Variants in BCL2 observed in about 807,000 individuals in gnomAD.
The protein encoded by BCL2 is apoptosis regulator Bcl-2.
Under a neutral mutation model 14.2 loss-of-function variants are expected in BCL2, and 1 was observed. The observed-to-expected ratio is 0.07, with a 90% CI of 0.02 to 0.33. The LOEUF (loss-of-function observed/expected upper bound fraction) is 0.33, where lower values mean the gene tolerates loss of function less well. Among genes scored for constraint, BCL2 ranks in the 10% least tolerant of loss-of-function variants. The pLI is 0.99. For missense variants in BCL2, 247 were observed against 305.9 expected, an observed-to-expected ratio of 0.81 and a Z score of 1.44; for synonymous variants, 151 against 137.2, an observed-to-expected ratio of 1.10 and a Z score of -0.70.
At chr18:63,218,923 C>T (rs1355937420) in intron 2 of BCL2, among the ~76,000 whole-genome samples, 1 of 152,130 alleles carries the variant, frequency 6.6e-6, no homozygotes, top group Non-Finnish European at 1.5e-5. Flanking sequence ...CCTTTTTCTT[C>T]TCCTGCCTTT....
intron 2 of BCL2, among the ~76,000 whole-genome samples, chr18:63,266,142 C>T (rs541686923): frequency 6.6e-6 from 1 of 151,982 alleles, no homozygotes; most frequent in South Asian, 2.1e-4. Flanking sequence ...ACTGATTGTA[C>T]TAGAAAATGT....
intron 2 of BCL2, among the ~76,000 whole-genome samples, chr18:63,309,991 T>G (rs1913258919): frequency 6.6e-6 from 1 of 151,768 alleles, no homozygotes; most frequent in Non-Finnish European, 1.5e-5. Context: ...GCCTCCCGAG[T>G]AGCTGGGATT....
chr18:63,134,858 C>A (rs941492751), intron 2 of BCL2, among the ~76,000 whole-genome samples: 2 of 152,118 alleles, frequency 1.3e-5, no homozygotes, highest in African/African-American at 4.8e-5. Flanking sequence ...TATCGAATGA[C>A]TTTGATATTT....
intron 2 of BCL2, among the ~76,000 whole-genome samples, chr18:63,308,501 TA>T (rs1913209549): frequency 6.6e-6 from 1 of 152,206 alleles, no homozygotes; most frequent in Admixed American, 6.5e-5. Flanking sequence ...TAGGCATATG[TA>T]CATACACTGT....
intron 2 of BCL2, among the ~76,000 whole-genome samples, chr18:63,220,430 T>G (rs890603337): frequency 4.6e-5 from 7 of 152,166 alleles, no homozygotes; most frequent in Non-Finnish European, 1.5e-5. Flanking sequence ...AGTTTCTCCA[T>G]ACAACATCGG....
At chr18:63,163,929 G>A (rs1914981992) in intron 2 of BCL2, among the ~76,000 whole-genome samples, 1 of 152,160 alleles carries the variant, frequency 6.6e-6, no homozygotes. Flanking sequence ...CTGTTAATAG[G>A]TGTGTGCTTT....
At chr18:63,246,300 G>T (rs78379829) in intron 2 of BCL2, among the ~76,000 whole-genome samples, 9 of 152,108 alleles carry the variant, frequency 5.9e-5, no homozygotes, top group Non-Finnish European at 1.0e-4. Flanking sequence ...CATCTCACAG[G>T]CCTCAAGCCA....
chr18:63,144,173 T>A (rs190024334), intron 2 of BCL2, among the ~76,000 whole-genome samples: 1 of 152,232 alleles, frequency 6.6e-6, no homozygotes, highest in East Asian at 1.9e-4. Context: ...TAGCTCGTTT[T>A]AGCTCTTTCT....
At chr18:63,241,811 G>A (rs1371658942) in intron 2 of BCL2, among the ~76,000 whole-genome samples, 1 of 152,148 alleles carries the variant, frequency 6.6e-6, no homozygotes, top group African/African-American at 2.4e-5. Context: ...TGATTTGAGA[G>A]TGCCTCACCC....
At chr18:63,187,966 C>A (rs1160940368) in intron 2 of BCL2, among the ~76,000 whole-genome samples, 3 of 152,182 alleles carry the variant, frequency 2.0e-5, no homozygotes, top group African/African-American at 4.8e-5. Context: ...CTCCATTTGG[C>A]CCCTGCTCAT....
Position 63,123,736 on chromosome 18 carries a change from C to T in BCL2, c.*4889G>A, listed in dbSNP as rs1172255857. ...CTTAAGAAGGTATAATAAACAAAACCACCAAAAGAAAGCTTCCCCAAAAGA... is the reference window on the plus strand; with the variant it reads ...CTTAAGAAGGTATAATAAACAAAACTACCAAAAGAAAGCTTCCCCAAAAGA... On this transcript the variant is annotated 3_prime_UTR_variant, in exon 3 of 3. Coordinates refer to ENST00000333681, the MANE Select transcript of BCL2 (RefSeq NM_000633.3). The T allele has an allele frequency of 9.3e-6, 2 of 216,000 alleles. No homozygotes were observed. Among genetic ancestry groups the T allele is most frequent in the Non-Finnish European group, 1.9e-5 (2 of 107,344 alleles). The allele number at this position is 216,000 out of a possible 1,614,324, so 13.4% of individuals were successfully genotyped here.
chr18:63,198,814 CACAG>C (rs1408490315), intron 2 of BCL2, among the ~76,000 whole-genome samples: 6 of 8,658 alleles, frequency 6.9e-4, no homozygotes, highest in Admixed American at 1.5e-3. Flanking sequence ...CACAGAGACA[CACAG>C]ACACACAGAC....
intron 2 of BCL2, among the ~76,000 whole-genome samples, chr18:63,278,390 C>A (rs1912219362): frequency 6.6e-6 from 1 of 152,176 alleles, no homozygotes. Flanking sequence ...TCCACTAGAC[C>A]CTGACCTTGG....
intron 2 of BCL2, among the ~76,000 whole-genome samples, chr18:63,214,861 C>G (rs1456106632): frequency 1.3e-5 from 2 of 152,086 alleles, no homozygotes; most frequent in Non-Finnish European, 2.9e-5. Flanking sequence ...CAGGCATGTG[C>G]CACCATGCCC....
intron 2 of BCL2, among the ~76,000 whole-genome samples, chr18:63,133,319 A>ATTTTTTTTTTTTTTTTTTTTTTTTTTT (rs34022610): frequency 9.7e-6 from 1 of 103,372 alleles, no homozygotes; most frequent in African/African-American, 3.6e-5. Flanking sequence ...ACCTTCAAGA[A>ATTTTTTTTTTTTTTTTTTTTTTTTTTT]TTTTTTTTTT....
intron 2 of BCL2, among the ~76,000 whole-genome samples, chr18:63,190,945 A>C (rs1237819582): frequency 6.6e-6 from 1 of 152,208 alleles, no homozygotes. Context: ...AAGTGAGAAC[A>C]TGCAGTGTTT....
chr18:63,271,628 C>A, intron 2 of BCL2, among the ~76,000 whole-genome samples: 1 of 152,154 alleles, frequency 6.6e-6, no homozygotes, highest in East Asian at 1.9e-4. Context: ...AATCCCCATC[C>A]CACTTTCTGT....
chr18:63,129,378 C>A (rs1379504218), intron 2 of BCL2, among the ~76,000 whole-genome samples: 1 of 151,472 alleles, frequency 6.6e-6, no homozygotes, highest in Non-Finnish European at 1.5e-5. Flanking sequence ...CAGCCTCGAA[C>A]TGTTGGACTC....
chr18:63,142,743 C>T (rs928872049), intron 2 of BCL2, among the ~76,000 whole-genome samples: 8 of 152,170 alleles, frequency 5.3e-5, no homozygotes, highest in Non-Finnish European at 8.8e-5. Flanking sequence ...GGGGAGCTGA[C>T]GGATGGTGGT....
Sources: gnomAD v4.1 joint callset for allele counts (sites outside exome capture counted in the v4.1 genomes callset) on GRCh38, gnomAD v4.1.1 for gene constraint, MANE v1.5 for transcripts, NCBI Gene and HGNC (gene_info 2026-07-23, HGNC 2026-07-21) for gene names.